The following SVIL variants were observed in gnomAD, a reference collection of about 807,000 sequenced individuals.
The protein encoded by SVIL is archvillin.
A neutral mutation model predicts 240.4 loss-of-function variants in SVIL; 101 were observed. The ratio of observed to expected loss-of-function variants is 0.42; its 90% confidence interval spans 0.36 to 0.50. SVIL has a LOEUF of 0.50. Ranked by LOEUF, SVIL falls within the 20% of genes least tolerant of loss-of-function variation. The pLI is 0.01. For synonymous variants in SVIL, 999 were observed against 1,100.0 expected (o/e 0.91, Z 1.82); for missense variants, 2,512 against 2,818.7 (o/e 0.89, Z 2.46).
chr10:29,519,142 T>C (rs762827349), intron 16 of SVIL, among the ~76,000 whole-genome samples: 9 of 152,226 alleles, frequency 5.9e-5, no homozygotes, highest in Non-Finnish European at 1.5e-5. Flanking sequence ...GTTAAGAGCA[T>C]GTGAACTGAG....
intron 2 of SVIL, among the ~76,000 whole-genome samples, chr10:29,661,066 C>T (rs547894789): frequency 6.6e-6 from 1 of 151,854 alleles, no homozygotes; most frequent in African/African-American, 2.4e-5. Flanking sequence ...ATTCGGAAGG[C>T]TGAGGCAGGA....
intron 16 of SVIL, among the ~76,000 whole-genome samples, chr10:29,515,665 G>C (rs909756176): frequency 2.6e-5 from 4 of 152,180 alleles, no homozygotes; most frequent in African/African-American, 9.7e-5. Flanking sequence ...TTGTTAATCA[G>C]ATTGGATTCA....
intron 7 of SVIL, 130 bp from the exon 8 acceptor site, chr10:29,533,588 T>C (rs1462268536): frequency 1.4e-6 from 2 of 1,417,352 alleles, no homozygotes; most frequent in Middle Eastern, 2.4e-4. Flanking sequence ...AAAAAGCATT[T>C]TGGTGTCTAA....
At chr10:29,645,476 A>G (rs1266950467) in intron 3 of SVIL, among the ~76,000 whole-genome samples, 3 of 152,182 alleles carry the variant, frequency 2.0e-5, no homozygotes, top group Non-Finnish European at 4.4e-5. Context: ...AGGCTGAGGC[A>G]GGAGGGTTGC....
chr10:29,471,755 C>A (rs1197713928), intron 30 of SVIL, among the ~76,000 whole-genome samples: 1 of 152,202 alleles, frequency 6.6e-6, no homozygotes, highest in African/African-American at 2.4e-5. Flanking sequence ...GTTATCTGCA[C>A]CACGAATAAT....
intron 1 of SVIL, among the ~76,000 whole-genome samples, chr10:29,704,889 G>C (rs1335703507): frequency 6.6e-6 from 1 of 152,022 alleles, no homozygotes; most frequent in Non-Finnish European, 1.5e-5. Flanking sequence ...AAGGGAACAG[G>C]GAACTCCTTT....
intron 2 of SVIL, among the ~76,000 whole-genome samples, chr10:29,565,222 T>C (rs1278621046): frequency 2.0e-5 from 3 of 152,214 alleles, no homozygotes; most frequent in African/African-American, 7.2e-5. Context: ...GAAAGCTCAA[T>C]AGAGCCACTA....
At chr10:29,662,544 C>T (rs1752585) in intron 2 of SVIL, among the ~76,000 whole-genome samples, 26,528 of 152,198 alleles carry the variant, frequency 0.17, 2,497 homozygotes, top group South Asian at 0.35. Context: ...GCAGACATCA[C>T]TGTGTCTGGA....
chr10:29,584,396 T>C (rs1956075170), intron 1 of SVIL, among the ~76,000 whole-genome samples: 1 of 152,202 alleles, frequency 6.6e-6, no homozygotes, highest in Middle Eastern at 3.2e-3. Flanking sequence ...ATGAGGAACA[T>C]CTGAGCAGCT....
intron 6 of SVIL, among the ~76,000 whole-genome samples, chr10:29,544,080 A>G (rs1244396795): frequency 1.3e-5 from 2 of 152,212 alleles, no homozygotes; most frequent in African/African-American, 4.8e-5. Context: ...TATAATGATC[A>G]GCTTTAACTC....
At position 29,550,702 on chromosome 10, in the gene SVIL, T is replaced by C; in HGVS notation, c.722A>G (p.Glu241Gly). The C allele has an allele frequency of 6.2e-7, 1 of 1,614,080 alleles. No individual in the cohort carries two copies. Among genetic ancestry groups the C allele is most frequent in the Non-Finnish European group, 8.5e-7 (1 of 1,180,002 alleles). ...GGCGTGCTTGGGGGACCGTGGCACT[T>C]CAGTGAAGGAGGAGTCTCGCCCAGA... ...SFSGRDSSFTEVPRSPKHAHS... is the reference protein window; with the variant it reads ...SFSGRDSSFTGVPRSPKHAHS... The change falls in exon 6 of 38, where the codon GAA (glutamate) becomes GGA (glycine). Residue 241 changes from glutamate (E) to glycine (G), a missense_variant. Glu to Gly is a moderately conservative substitution (Grantham distance 98, BLOSUM62 -2). Around this residue, in one of 3 missense-constraint regions of SVIL, gnomAD observed 1,443 missense variants for 1,486.6 expected, o/e 0.97. Transcript: ENST00000355867.
intron 2 of SVIL, among the ~76,000 whole-genome samples, chr10:29,684,570 G>C (rs80343715): frequency 0.017 from 2,621 of 152,184 alleles, 73 homozygotes; most frequent in African/African-American, 0.058. Flanking sequence ...GGGTTAATAT[G>C]GGGGTTGTGG....
intron 3 of SVIL, among the ~76,000 whole-genome samples, chr10:29,641,174 G>C (rs966063998): frequency 6.6e-6 from 1 of 152,088 alleles, no homozygotes; most frequent in Non-Finnish European, 1.5e-5. Context: ...TTGGGAGGTC[G>C]AGGTGGAAGG....
chr10:29,533,557 C>T (rs1466585486), intron 7 of SVIL, 99 bp from the exon 8 acceptor site: 2 of 1,461,528 alleles, frequency 1.4e-6, no homozygotes, highest in Non-Finnish European at 1.8e-6. Flanking sequence ...TGGAAACTGA[C>T]CTGAGAGAGA....
intron 1 of SVIL, among the ~76,000 whole-genome samples, chr10:29,696,999 C>T (rs1203997038): frequency 2.8e-5 from 4 of 142,222 alleles, no homozygotes; most frequent in South Asian, 2.3e-4. Context: ...CCAGCCGCCC[C>T]GTCCGGGAGG....
intron 1 of SVIL, among the ~76,000 whole-genome samples, chr10:29,701,880 T>G (rs989834287): frequency 2.6e-5 from 4 of 152,102 alleles, no homozygotes; most frequent in Non-Finnish European, 4.4e-5. Flanking sequence ...TGTTAAAAAG[T>G]AAAGAGCTAT....
intron 16 of SVIL, among the ~76,000 whole-genome samples, chr10:29,518,107 G>T (rs2368396): frequency 2.0e-5 from 3 of 151,874 alleles, no homozygotes; most frequent in African/African-American, 7.3e-5. Context: ...ATTTTTTTAA[G>T]GCTGGGTGTG....
Position 29,532,090 on chromosome 10 carries a change from G to T in SVIL, c.1921C>A (p.Arg641Ser). The stretch of plus-strand genomic sequence containing the variant: ...CTACTTTCACCAGGAGAAAAATAGC[G>T]TCTTGGTTTCCGGGACCCTCTCTCC... ...ERERGSRKPRRYFSPGESRKT... is the reference protein window; with the variant it reads ...ERERGSRKPRSYFSPGESRKT... The change falls in exon 9 of 38, where the codon CGC becomes AGC. Residue 641 changes from arginine (R) to serine (S), a missense_variant. Around this residue, in one of 3 missense-constraint regions of SVIL, gnomAD observed 1,443 missense variants for 1,486.6 expected, o/e 0.97. Transcript: ENST00000355867. 2 of 1,614,066 alleles carry T rather than the reference G, an allele frequency of 1.2e-6. No homozygotes were observed. The highest frequency in any genetic ancestry group is 1.7e-6 in the Non-Finnish European group (2 of 1,179,942).
chr10:29,660,712 G>A (rs143319955), intron 2 of SVIL, among the ~76,000 whole-genome samples: 4 of 152,190 alleles, frequency 2.6e-5, no homozygotes, highest in Admixed American at 2.0e-4. Context: ...CTGCCCAGAC[G>A]CTCACGTCTT....
Sources: gnomAD v4.1 joint callset for allele counts (sites outside exome capture counted in the v4.1 genomes callset) on GRCh38, gnomAD v4.1.1 for gene constraint, gnomAD v4.1.1 regional missense constraint, MANE v1.5 for transcripts, NCBI Gene and HGNC (gene_info 2026-07-23, HGNC 2026-07-21) for gene names.